Variants in AFF3 observed in about 807,000 individuals in gnomAD.
AFF3 encodes AF4/FMR2 family member 3.
Under a neutral mutation model 129.7 loss-of-function variants are expected in AFF3, and 32 were observed. The observed-to-expected ratio is 0.25, with a 90% confidence interval of 0.19 to 0.33. AFF3 has a LOEUF of 0.33. Ranked by LOEUF, AFF3 falls within the 10% of genes least tolerant of loss-of-function variation. The pLI, the probability that AFF3 is intolerant of heterozygous loss-of-function variation, is 1.00. For missense variants in AFF3, 1,373 were observed against 1,592.0 expected (o/e 0.86, Z 2.34); for synonymous variants, 644 against 635.4 (o/e 1.01, Z -0.20).
intron 11 of AFF3, among the ~76,000 whole-genome samples, chr2:99,678,234 C>A (rs185855213): frequency 6.6e-6 from 1 of 152,318 alleles, no homozygotes; most frequent in Admixed American, 6.5e-5. Flanking sequence ...TTCAGTACAA[C>A]CTTTGCAATT....
intron 11 of AFF3, among the ~76,000 whole-genome samples, chr2:99,697,109 G>T (rs921202631): frequency 1.3e-5 from 2 of 152,186 alleles, no homozygotes; most frequent in South Asian, 4.1e-4. Context: ...TCCCACCTCG[G>T]AATCTCAGTC....
intron 4 of AFF3, among the ~76,000 whole-genome samples, chr2:100,049,297 G>A (rs897492061): frequency 6.6e-6 from 1 of 152,116 alleles, no homozygotes; most frequent in African/African-American, 2.4e-5. Context: ...GGATATTCTC[G>A]CATCTTATAG....
intron 11 of AFF3, among the ~76,000 whole-genome samples, chr2:99,684,263 T>C (rs965792474): frequency 6.6e-6 from 1 of 152,248 alleles, no homozygotes; most frequent in African/African-American, 2.4e-5. Flanking sequence ...CATGGAATTT[T>C]AACAACCTTA....
At chr2:99,820,695 C>T (rs1687591741) in intron 8 of AFF3, among the ~76,000 whole-genome samples, 1 of 103,032 alleles carries the variant, frequency 9.7e-6, no homozygotes, top group African/African-American at 3.0e-5. Flanking sequence ...CATTGTACAA[C>T]ACATTGTACA....
intron 7 of AFF3, among the ~76,000 whole-genome samples, chr2:99,866,322 A>G (rs529194121): frequency 6.6e-6 from 1 of 152,346 alleles, no homozygotes; most frequent in South Asian, 2.1e-4. Context: ...TTTAAAGAGA[A>G]TACTGGGTTT....
At chr2:99,691,415 T>G (rs1482740954) in intron 11 of AFF3, among the ~76,000 whole-genome samples, 1 of 152,198 alleles carries the variant, frequency 6.6e-6, no homozygotes, top group African/African-American at 2.4e-5. Context: ...GATGCTATTG[T>G]GCCCTTGTCC....
At chr2:99,592,828 T>C (rs13034187) in intron 15 of AFF3, among the ~76,000 whole-genome samples, 26,294 of 151,572 alleles carry the variant, frequency 0.17, 2,429 homozygotes, top group South Asian at 0.24. Flanking sequence ...CCCAGATACT[T>C]GGGAGGCTGA....
chr2:100,056,059 TCTCTCACA>T (rs1475754015), intron 4 of AFF3, among the ~76,000 whole-genome samples: 14 of 114,654 alleles, frequency 1.2e-4, no homozygotes, highest in South Asian at 2.8e-4. Flanking sequence ...TCGCTGTCTC[TCTCTCACA>T]CACACACACA....
chr2:99,980,161 T>A (rs1311619623), intron 7 of AFF3, among the ~76,000 whole-genome samples: 3 of 152,238 alleles, frequency 2.0e-5, no homozygotes, highest in Non-Finnish European at 4.4e-5. Context: ...CTGAGTTTCA[T>A]ATTCATTGTA....
At chr2:99,979,342 G>C (rs1017061162) in intron 7 of AFF3, among the ~76,000 whole-genome samples, 3 of 152,032 alleles carry the variant, frequency 2.0e-5, no homozygotes, top group Non-Finnish European at 2.9e-5. Flanking sequence ...TAAGAAGGCT[G>C]ATCCAAAGCT....
intron 8 of AFF3, among the ~76,000 whole-genome samples, chr2:99,818,894 A>G (rs1222830764): frequency 6.6e-6 from 1 of 152,200 alleles, no homozygotes; most frequent in Non-Finnish European, 1.5e-5. Flanking sequence ...TATAAACACA[A>G]CTTACAGGTA....
At chr2:99,755,625 T>A (rs1043488056) in intron 8 of AFF3, among the ~76,000 whole-genome samples, 1 of 152,188 alleles carries the variant, frequency 6.6e-6, no homozygotes, top group East Asian at 1.9e-4. Flanking sequence ...GCATTTCTTT[T>A]CACCTTCTTG....
At chr2:100,051,567 C>T (rs1686339659) in intron 4 of AFF3, among the ~76,000 whole-genome samples, 1 of 152,156 alleles carries the variant, frequency 6.6e-6, no homozygotes, top group Non-Finnish European at 1.5e-5. Flanking sequence ...TTGCTAGTCC[C>T]CTTTCCCAAG....
chr2:99,555,186 C>T (rs566397939), intron 22 of AFF3, among the ~76,000 whole-genome samples: 6 of 152,224 alleles, frequency 3.9e-5, no homozygotes, highest in South Asian at 4.2e-4. Flanking sequence ...ATAATCCCAA[C>T]GGTCTGTTAA....
chr2:99,772,187 GAA>G (rs1225323337), intron 8 of AFF3, among the ~76,000 whole-genome samples: 1 of 152,164 alleles, frequency 6.6e-6, no homozygotes, highest in African/African-American at 2.4e-5. Flanking sequence ...AGAAGAGGAA[GAA>G]AAGAGTGACG....
intron 1 of AFF3, among the ~76,000 whole-genome samples, chr2:100,140,237 A>G (rs977087293): frequency 1.3e-5 from 2 of 152,232 alleles, no homozygotes; most frequent in African/African-American, 4.8e-5. Flanking sequence ...AAAGTTATTT[A>G]TGGAAGGGTC....
intron 13 of AFF3, among the ~76,000 whole-genome samples, chr2:99,648,258 T>A (rs1489528042): frequency 6.6e-6 from 1 of 152,234 alleles, no homozygotes. Flanking sequence ...TACAACATCA[T>A]CATCTCCAAA....
intron 7 of AFF3, among the ~76,000 whole-genome samples, chr2:99,918,843 T>C (rs1695661897): frequency 1.3e-5 from 2 of 152,186 alleles, no homozygotes; most frequent in Admixed American, 1.3e-4. Flanking sequence ...CAAAATTCAG[T>C]AGAAAAACTT....
chr2:99,662,147 A>G (rs1686297046), intron 12 of AFF3, among the ~76,000 whole-genome samples: 2 of 152,186 alleles, frequency 1.3e-5, no homozygotes, highest in South Asian at 4.1e-4. Flanking sequence ...TCAAAAAAAA[A>G]AAAGGCAATT....
Sources: gnomAD v4.1 joint callset for allele counts (sites outside exome capture counted in the v4.1 genomes callset) on GRCh38, gnomAD v4.1.1 for gene constraint, MANE v1.5 for transcripts, NCBI Gene and HGNC (gene_info 2026-07-23, HGNC 2026-07-21) for gene names.